The following FGF1 variants were observed in gnomAD, a reference collection of about 807,000 sequenced individuals.
FGF1 encodes the protein fibroblast growth factor 1, also known as beta-endothelial cell growth factor.
In FGF1, 9 loss-of-function variants were observed where a neutral mutation model predicts 13.4. That is an observed-to-expected ratio of 0.67 (90% confidence interval 0.40 to 1.17). FGF1 has a LOEUF of 1.17. Among genes scored for constraint, FGF1 ranks in the 50% most tolerant of loss-of-function variants. The probability of loss-of-function intolerance (pLI) is 0.01; values close to 1 mark genes in which losing one functional copy is unlikely to be tolerated. For synonymous variants in FGF1, 93 were observed against 79.0 expected, an observed-to-expected ratio of 1.18 and a Z score of -0.94; for missense variants, 156 against 192.7, an observed-to-expected ratio of 0.81 and a Z score of 1.13.
chr5:142,675,790 T>C (rs1299637531), intron 1 of FGF1, among the ~76,000 whole-genome samples: 1 of 152,208 alleles, frequency 6.6e-6, no homozygotes, highest in Non-Finnish European at 1.5e-5. Flanking sequence ...TGTCCTTTTA[T>C]CTCTGCAGTC....
chr5:142,599,409 A>G (rs1755982091), intron 3 of FGF1, among the ~76,000 whole-genome samples: 1 of 152,148 alleles, frequency 6.6e-6, no homozygotes, highest in East Asian at 1.9e-4. Flanking sequence ...TGAGATGACA[A>G]CTTCAAGAGA....
At chr5:142,629,227 C>T (rs1762937069) in intron 1 of FGF1, among the ~76,000 whole-genome samples, 1 of 152,164 alleles carries the variant, frequency 6.6e-6, no homozygotes, top group Non-Finnish European at 1.5e-5. Flanking sequence ...ACGAATACAG[C>T]TCACTGTAGC....
intron 2 of FGF1, chr5:142,601,031 A>C: frequency 2.3e-5 from 14 of 607,232 alleles, no homozygotes; most frequent in East Asian, 6.9e-5. Context: ...AAGGAGAGAC[A>C]ACGGCCGGCT....
intron 2 of FGF1, among the ~76,000 whole-genome samples, chr5:142,693,068 G>GAA (rs60897415): frequency 6.6e-6 from 1 of 151,832 alleles, no homozygotes; most frequent in African/African-American, 2.4e-5. Flanking sequence ...CAGGAAAGAG[G>GAA]AAAAAAACTC....
intron 1 of FGF1, among the ~76,000 whole-genome samples, chr5:142,644,849 A>G (rs1400508913): frequency 6.6e-6 from 1 of 152,214 alleles, no homozygotes; most frequent in East Asian, 1.9e-4. Context: ...ATGAATGAAC[A>G]AGCAACAAAA....
At chr5:142,672,073 A>C (rs986567591) in intron 1 of FGF1, 2 of 152,224 alleles carry the variant, frequency 1.3e-5, no homozygotes, top group Non-Finnish European at 2.9e-5. Flanking sequence ...ACAAGTTAAA[A>C]GACTATGCAG....
At chr5:142,620,582 C>T (rs891460251) in intron 1 of FGF1, among the ~76,000 whole-genome samples, 2 of 152,024 alleles carry the variant, frequency 1.3e-5, no homozygotes, top group Non-Finnish European at 2.9e-5. Context: ...GACATAGCCT[C>T]AAAATACATA....
chr5:142,640,295 T>G (rs751943615), intron 1 of FGF1, among the ~76,000 whole-genome samples: 1 of 151,688 alleles, frequency 6.6e-6, no homozygotes, highest in Non-Finnish European at 1.5e-5. Context: ...TTTATTCCTA[T>G]AGGGGGAGGT....
At chr5:142,660,791 C>A (rs1331122352) in intron 1 of FGF1, among the ~76,000 whole-genome samples, 1 of 152,214 alleles carries the variant, frequency 6.6e-6, no homozygotes, top group South Asian at 2.1e-4. Flanking sequence ...TAAAAGAAAT[C>A]CCACAGTCTA....
At chr5:142,651,701 T>C (rs887361309) in intron 1 of FGF1, among the ~76,000 whole-genome samples, 9 of 152,188 alleles carry the variant, frequency 5.9e-5, no homozygotes, top group Non-Finnish European at 1.3e-4. Context: ...ACTGCCTCCA[T>C]AGTTTTGCCT....
chr5:142,678,012 G>A (rs111449824), intron 1 of FGF1, among the ~76,000 whole-genome samples: 1 of 152,108 alleles, frequency 6.6e-6, no homozygotes, highest in South Asian at 2.1e-4. Context: ...CTGAAGAACT[G>A]GGGGGAAAGC....
intron 1 of FGF1, among the ~76,000 whole-genome samples, chr5:142,625,463 G>A (rs1380361190): frequency 6.6e-6 from 1 of 152,128 alleles, no homozygotes; most frequent in Non-Finnish European, 1.5e-5. Flanking sequence ...TCAGTTGGAG[G>A]TCAGGAATTC....
chr5:142,695,159 G>A (rs779971123), intron 2 of FGF1, among the ~76,000 whole-genome samples: 1 of 152,202 alleles, frequency 6.6e-6, no homozygotes, highest in African/African-American at 2.4e-5. Flanking sequence ...TCTGCTAAAT[G>A]GGATAATAGC....
intron 2 of FGF1, among the ~76,000 whole-genome samples, chr5:142,691,347 G>A (rs548870600): frequency 8.5e-4 from 129 of 151,780 alleles, no homozygotes; most frequent in African/African-American, 2.4e-3. Context: ...ACTTGAACCC[G>A]GGAGGTGGAG....
At chr5:142,646,971 G>C (rs1197571790) in intron 1 of FGF1, among the ~76,000 whole-genome samples, 1 of 152,150 alleles carries the variant, frequency 6.6e-6, no homozygotes, top group African/African-American at 2.4e-5. Context: ...TTGGGCATAA[G>C]GTCATAAAAC....
chr5:142,637,965 G>T (rs2151943869), intron 1 of FGF1, among the ~76,000 whole-genome samples: 1 of 152,128 alleles, frequency 6.6e-6, no homozygotes, highest in African/African-American at 2.4e-5. Context: ...GGAGAAAGCT[G>T]AGACCATCTG....
intron 1 of FGF1, among the ~76,000 whole-genome samples, chr5:142,646,675 G>C (rs1011727881): frequency 1.3e-5 from 2 of 152,076 alleles, no homozygotes; most frequent in African/African-American, 4.8e-5. Flanking sequence ...ATAGTTTTTA[G>C]TAGAGACGAG....
intron 1 of FGF1, chr5:142,627,261 G>T (rs1403486992): frequency 6.6e-6 from 1 of 152,106 alleles, no homozygotes; most frequent in Non-Finnish European, 1.5e-5. Flanking sequence ...TATCATATGG[G>T]CTAGATGAAC....
At chr5:142,613,163 G>A (rs1309449171) in intron 2 of FGF1, among the ~76,000 whole-genome samples, 2 of 152,222 alleles carry the variant, frequency 1.3e-5, no homozygotes, top group East Asian at 3.8e-4. Flanking sequence ...GGGAATCTCA[G>A]ATAACATCAC....
Sources: allele counts gnomAD v4.1 joint callset (sites outside exome capture counted in the v4.1 genomes callset), GRCh38; gene constraint gnomAD v4.1.1; transcripts MANE v1.5; gene names NCBI Gene and HGNC (gene_info 2026-07-23, HGNC 2026-07-21).